The following GALNT17 variants were observed in gnomAD, a reference collection of about 807,000 sequenced individuals.
GALNT17 encodes UDP-GalNAc:polypeptide N-acetylgalactosaminyltransferase-like 3.
GALNT17 carries 29 observed loss-of-function variants against 63.7 expected under a neutral mutation model. The ratio of observed to expected loss-of-function variants is 0.46; its 90% CI spans 0.34 to 0.62. The LOEUF (loss-of-function observed/expected upper bound fraction) is 0.62. GALNT17 is among the 20% of genes least tolerant of loss of function. The pLI is 0.01. For synonymous variants in GALNT17, 305 were observed against 318.3 expected, an observed-to-expected ratio of 0.96 and a Z score of 0.45; for missense variants, 603 against 799.6, an observed-to-expected ratio of 0.75 and a Z score of 2.97.
At chr7:71,517,063 A>G (rs889357669) in intron 5 of GALNT17, among the ~76,000 whole-genome samples, 1 of 152,094 alleles carries the variant, frequency 6.6e-6, no homozygotes, top group Non-Finnish European at 1.5e-5. Flanking sequence ...TAATGTGGGG[A>G]TGTCAAAGTT....
At chr7:71,333,428 T>C (rs1392806948) in intron 1 of GALNT17, among the ~76,000 whole-genome samples, 2 of 152,248 alleles carry the variant, frequency 1.3e-5, no homozygotes, top group Non-Finnish European at 2.9e-5. Context: ...ATAAGAATAA[T>C]GCAACTGTGA....
intron 5 of GALNT17, among the ~76,000 whole-genome samples, chr7:71,467,091 A>G (rs981927531): frequency 6.6e-6 from 1 of 152,174 alleles, no homozygotes; most frequent in Non-Finnish European, 1.5e-5. Flanking sequence ...ATTGGTGGGA[A>G]TGAAGTTCCT....
At chr7:71,391,574 C>T (rs889476816) in intron 3 of GALNT17, among the ~76,000 whole-genome samples, 2 of 152,132 alleles carry the variant, frequency 1.3e-5, no homozygotes, top group African/African-American at 2.4e-5. Flanking sequence ...CCTCCAACTC[C>T]TAGGCTCAGG....
chr7:71,355,155 A>C (rs1792261092), intron 2 of GALNT17, among the ~76,000 whole-genome samples: 1 of 152,108 alleles, frequency 6.6e-6, no homozygotes, highest in South Asian at 2.1e-4. Flanking sequence ...TGATTTATTC[A>C]AGATCTTGTA....
chr7:71,578,105 C>T (rs534417281), intron 6 of GALNT17, among the ~76,000 whole-genome samples: 3 of 151,700 alleles, frequency 2.0e-5, no homozygotes, highest in African/African-American at 4.8e-5. Flanking sequence ...GGCGCAGTCT[C>T]GGCTCACTGC....
At chr7:71,531,290 C>T (rs1788716912) in intron 5 of GALNT17, among the ~76,000 whole-genome samples, 2 of 152,000 alleles carry the variant, frequency 1.3e-5, no homozygotes, top group Admixed American at 1.3e-4. Flanking sequence ...AAGTTTTCTC[C>T]ACCCTCTTTT....
At chr7:71,134,650 C>T (rs1027113850) in intron 1 of GALNT17, among the ~76,000 whole-genome samples, 1 of 151,950 alleles carries the variant, frequency 6.6e-6, no homozygotes, top group Non-Finnish European at 1.5e-5. Context: ...AAATATGGCA[C>T]AGAATGCGAC....
chr7:71,347,909 G>A (rs940387410), intron 2 of GALNT17, among the ~76,000 whole-genome samples: 3 of 152,100 alleles, frequency 2.0e-5, no homozygotes, highest in Non-Finnish European at 4.4e-5. Flanking sequence ...AGTATAATGT[G>A]TGTTTTTCCT....
chr7:71,192,221 T>C (rs1788964264), intron 1 of GALNT17, among the ~76,000 whole-genome samples: 1 of 152,032 alleles, frequency 6.6e-6, no homozygotes, highest in African/African-American at 2.4e-5. Flanking sequence ...TGGCAGCTGA[T>C]TTGTTGGTGC....
At chr7:71,354,172 A>G (rs1792240354) in intron 2 of GALNT17, among the ~76,000 whole-genome samples, 2 of 152,230 alleles carry the variant, frequency 1.3e-5, no homozygotes, top group Non-Finnish European at 2.9e-5. Flanking sequence ...ATTACAATTC[A>G]ACATGAAATT....
intron 6 of GALNT17, among the ~76,000 whole-genome samples, chr7:71,658,333 A>C (rs889862534): frequency 1.5e-4 from 23 of 152,216 alleles, no homozygotes; most frequent in African/African-American, 4.8e-4. Context: ...ATTGACATTC[A>C]TCTCCCATAG....
At chr7:71,414,063 G>A (rs1034106860) in intron 3 of GALNT17, among the ~76,000 whole-genome samples, 3 of 151,960 alleles carry the variant, frequency 2.0e-5, no homozygotes, top group Non-Finnish European at 4.4e-5. Flanking sequence ...CCAACATGGC[G>A]AAACCCCATC....
At chr7:71,573,128 C>CA (rs1789477864) in intron 6 of GALNT17, among the ~76,000 whole-genome samples, 1 of 151,850 alleles carries the variant, frequency 6.6e-6, no homozygotes. Context: ...CCGGCCTCAG[C>CA]TTCTCAAGTA....
intron 5 of GALNT17, among the ~76,000 whole-genome samples, chr7:71,540,247 G>T (rs1386437893): frequency 6.6e-6 from 1 of 151,244 alleles, no homozygotes; most frequent in Admixed American, 6.6e-5. Context: ...CTCCTGAGTA[G>T]CTGGGATTAC....
At chr7:71,670,877 G>A (rs1459368976) in intron 8 of GALNT17, among the ~76,000 whole-genome samples, 3 of 89,298 alleles carry the variant, frequency 3.4e-5, no homozygotes, top group Non-Finnish European at 6.4e-5. Flanking sequence ...GTGGGCCTCC[G>A]GACTGTGTGT....
chr7:71,528,312 A>G (rs1007813257), intron 5 of GALNT17, among the ~76,000 whole-genome samples: 9 of 152,178 alleles, frequency 5.9e-5, no homozygotes, highest in African/African-American at 1.9e-4. Flanking sequence ...GGAGTCTGCC[A>G]TTAGATATGG....
chr7:71,297,346 C>A (rs1791100828), intron 1 of GALNT17, among the ~76,000 whole-genome samples: 1 of 152,162 alleles, frequency 6.6e-6, no homozygotes, highest in Non-Finnish European at 1.5e-5. Context: ...GAGTTTGAGA[C>A]CAGCCTGACC....
chr7:71,588,122 C>A (rs192661827), intron 6 of GALNT17, among the ~76,000 whole-genome samples: 2 of 152,280 alleles, frequency 1.3e-5, no homozygotes, highest in East Asian at 3.9e-4. Context: ...TTTCCATGAA[C>A]AAAGCTAGAC....
intron 5 of GALNT17, among the ~76,000 whole-genome samples, chr7:71,463,842 C>T (rs780613953): frequency 4.0e-4 from 61 of 152,142 alleles, no homozygotes; most frequent in Non-Finnish European, 1.2e-4. Context: ...CCAGACGTCA[C>T]TTTCATTGCC....
Sources: gnomAD v4.1 joint callset for allele counts (sites outside exome capture counted in the v4.1 genomes callset) on GRCh38, gnomAD v4.1.1 for gene constraint, MANE v1.5 for transcripts, NCBI Gene and HGNC (gene_info 2026-07-23, HGNC 2026-07-21) for gene names.